Variants in WWC2 observed in about 807,000 individuals in gnomAD.
WWC2 encodes WW and C2 domain containing 2.
Under a neutral mutation model 138.5 loss-of-function variants are expected in WWC2, and 101 were observed. That is an observed-to-expected ratio of 0.73 (90% confidence interval 0.62 to 0.86). The LOEUF (loss-of-function observed/expected upper bound fraction) is 0.86. Ranked by LOEUF, WWC2 falls within the 40% of genes least tolerant of loss-of-function variation. The pLI, the probability that WWC2 is intolerant of heterozygous loss-of-function variation, is 0.00. For missense variants in WWC2, 1,420 were observed against 1,419.4 expected (o/e 1.00, Z -0.01); for synonymous variants, 558 against 538.4 (o/e 1.04, Z -0.50).
chr4:183,121,434 A>G (rs989091912), intron 1 of WWC2, among the ~76,000 whole-genome samples: 1 of 152,104 alleles, frequency 6.6e-6, no homozygotes, highest in Non-Finnish European at 1.5e-5. Flanking sequence ...TAATGCTCCA[A>G]TGAGCAATTT....
chr4:183,315,873 A>G lies in WWC2; in HGVS notation c.*144A>G. On this transcript the variant is annotated 3_prime_UTR_variant, in exon 23 of 23. Transcript: ENST00000403733. The stretch of plus-strand genomic sequence containing the variant: ...TTGAAGAACTTTTATTTCACATCAG[A>G]TTTTCAACACATTAATTTGTAAAGT... The G allele has an allele frequency of 1.7e-6, 1 of 590,778 alleles. No individual in the cohort carries two copies. 36.6% of individuals were successfully genotyped at this position (590,778 alleles called of 1,614,324 possible).
chr4:183,130,371 T>A (rs1732890783), intron 1 of WWC2, among the ~76,000 whole-genome samples: 1 of 150,756 alleles, frequency 6.6e-6, no homozygotes, highest in South Asian at 2.1e-4. Flanking sequence ...TCTTTAAAAT[T>A]AAAAAAAAAA....
chr4:183,197,578 C>G (rs1188414639), intron 2 of WWC2, among the ~76,000 whole-genome samples: 1 of 152,108 alleles, frequency 6.6e-6, no homozygotes, highest in Non-Finnish European at 1.5e-5. Context: ...TCATATTCAC[C>G]TTCCAGTGGG....
chr4:183,140,389 G>T (rs1733266461), intron 1 of WWC2, among the ~76,000 whole-genome samples: 4 of 152,174 alleles, frequency 2.6e-5, no homozygotes. Flanking sequence ...ACTAAGTCAG[G>T]ATTTCTAGAT....
chr4:183,116,527 T>G (rs1456419631), intron 1 of WWC2, among the ~76,000 whole-genome samples: 1 of 152,252 alleles, frequency 6.6e-6, no homozygotes, highest in Non-Finnish European at 1.5e-5. Flanking sequence ...CGTGTCTGTC[T>G]GACTTCCAAG....
chr4:183,304,294 G>T (rs1330230194), intron 21 of WWC2, among the ~76,000 whole-genome samples: 1 of 152,072 alleles, frequency 6.6e-6, no homozygotes, highest in Non-Finnish European at 1.5e-5. Flanking sequence ...AACCTAAACT[G>T]TAATTAACAT....
rs751652135 is a variant in WWC2 at position 183,248,839 on chromosome 4, A to T, written c.858A>T (p.Ser286=). 1 of 1,600,010 alleles carries T rather than the reference A, an allele frequency of 6.2e-7. No individual in the cohort carries two copies. Among genetic ancestry groups the T allele is most frequent in the Non-Finnish European group, 8.5e-7 (1 of 1,171,952 alleles). ...CLSRQTLDAG[S]QTSISGDIGV... ...CCAGACAGACCCTTGATGCTGGGTC[A>T]CAAACAAGCATTTCCGGAGATGTAA... Residue 286 remains serine (S), a synonymous_variant, in exon 7 of 23, where the codon TCA becomes TCT. Transcript: ENST00000403733.
intron 5 of WWC2, among the ~76,000 whole-genome samples, chr4:183,241,816 C>T (rs961231540): frequency 2.6e-5 from 4 of 152,054 alleles, no homozygotes; most frequent in East Asian, 3.8e-4. Flanking sequence ...TGAAGAGTGC[C>T]GTAACGTGTT....
chr4:183,181,436 G>C (rs1734631571), intron 1 of WWC2, among the ~76,000 whole-genome samples: 1 of 152,222 alleles, frequency 6.6e-6, no homozygotes, highest in African/African-American at 2.4e-5. Context: ...ATCTACGGTA[G>C]ATTGAGGTCT....
At chr4:183,297,690 G>C (rs181877214) in intron 21 of WWC2, among the ~76,000 whole-genome samples, 1 of 152,146 alleles carries the variant, frequency 6.6e-6, no homozygotes. Context: ...GATTACAGGC[G>C]TGAGCCACCG....
At chr4:183,297,165 G>T (rs998958370) in intron 21 of WWC2, among the ~76,000 whole-genome samples, 1 of 151,664 alleles carries the variant, frequency 6.6e-6, no homozygotes, top group Admixed American at 6.6e-5. Flanking sequence ...TAGAAACCGG[G>T]TTTCACTGTA....
chr4:183,309,971 G>A (rs1029788322), intron 21 of WWC2, among the ~76,000 whole-genome samples: 4 of 152,182 alleles, frequency 2.6e-5, no homozygotes, highest in African/African-American at 9.7e-5. Flanking sequence ...TTCTAAACAG[G>A]CAGTGTACTG....
chr4:183,099,649 C>A (rs1204790971), intron 1 of WWC2, 27 bp downstream of exon 1: 1 of 1,277,458 alleles, frequency 7.8e-7, no homozygotes, highest in Non-Finnish European at 1.0e-6. Flanking sequence ...GGGGCGCGGG[C>A]CCGTTCGGAC....
Position 183,255,709 on chromosome 4 carries a change from T to C in WWC2, c.1196+1710T>C, listed in dbSNP as rs998296228. 3.3e-5 allele frequency among the ~76,000 whole-genome samples: 5 copies of C among 152,146 alleles called. 1 individual carries two copies. The highest frequency in any genetic ancestry group is 1.3e-4 in the Admixed American group (2 of 15,280). ...TTGAGGTGGCGTCTTGCTTGCCTTTTTTATTAGGAGTAGAGCTTCCAAAAA... is the reference window on the plus strand; with the variant it reads ...TTGAGGTGGCGTCTTGCTTGCCTTTCTTATTAGGAGTAGAGCTTCCAAAAA... On this transcript the variant is annotated intron_variant, in intron 9 of 22. Transcript: ENST00000403733.
In WWC2 at chr4:183,320,210, T is replaced by C; in HGVS notation, c.*4481T>C. 1 of 1,612,934 alleles carries C rather than the reference T, an allele frequency of 6.2e-7. No homozygotes were observed. The highest frequency in any genetic ancestry group is 8.5e-7 in the Non-Finnish European group (1 of 1,179,508). On this transcript the variant is annotated 3_prime_UTR_variant, in exon 23 of 23. Coordinates refer to ENST00000403733, the MANE Select transcript of WWC2 (RefSeq NM_024949.6). The stretch of plus-strand genomic sequence containing the variant: ...CTAGTTGAGCTACAGTTCTAAATAC[T>C]AAAGCCATTATAATGTCCTGAGAGC...
intron 20 of WWC2, 65 bp from the exon 21 acceptor site, chr4:183,289,328 G>A (rs2111075331): frequency 4.5e-6 from 7 of 1,554,652 alleles, no homozygotes; most frequent in Middle Eastern, 1.7e-4. Context: ...CCAGGAAGGA[G>A]GGGAAGTGGG....
At chr4:183,197,529 T>G (rs1257804366) in intron 2 of WWC2, among the ~76,000 whole-genome samples, 1 of 152,234 alleles carries the variant, frequency 6.6e-6, no homozygotes, top group African/African-American at 2.4e-5. Flanking sequence ...GATTTGACCT[T>G]GACTGTGAAA....
chr4:183,171,251 C>A (rs1408481789), intron 1 of WWC2, among the ~76,000 whole-genome samples: 1 of 152,098 alleles, frequency 6.6e-6, no homozygotes, highest in Non-Finnish European at 1.5e-5. Flanking sequence ...TTATGTTGTG[C>A]TTTAACTCTT....
chr4:183,252,337 C>G (rs1737003278), intron 8 of WWC2, among the ~76,000 whole-genome samples: 1 of 152,180 alleles, frequency 6.6e-6, no homozygotes, highest in Non-Finnish European at 1.5e-5. Flanking sequence ...GTTCATAGTT[C>G]ACTGAGATCT....
Sources: gnomAD v4.1 joint callset for allele counts (sites outside exome capture counted in the v4.1 genomes callset) on GRCh38, gnomAD v4.1.1 for gene constraint, MANE v1.5 for transcripts, NCBI Gene and HGNC (gene_info 2026-07-23, HGNC 2026-07-21) for gene names.